DLG2: variants seen among roughly 807,000 people sequenced by gnomAD.
DLG2 encodes disks large homolog 2.
Under a neutral mutation model 132.5 loss-of-function variants are expected in DLG2, and 45 were observed. The observed-to-expected ratio is 0.34, with a 90% CI of 0.27 to 0.44. The LOEUF is 0.44. DLG2 is among the 20% of genes least tolerant of loss of function. The pLI is 1.00. For synonymous variants in DLG2, 424 were observed against 419.6 expected (o/e 1.01, Z -0.13); for missense variants, 1,045 against 1,196.9 (o/e 0.87, Z 1.87).
chr11:84,746,104 T>C (rs993108224), intron 6 of DLG2, among the ~76,000 whole-genome samples: 2 of 151,902 alleles, frequency 1.3e-5, no homozygotes, highest in Non-Finnish European at 2.9e-5. Context: ...GTGTGTGAGA[T>C]AGGCAAAAAG....
intron 15 of DLG2, among the ~76,000 whole-genome samples, chr11:83,878,953 TAAATA>T (rs1387981987): frequency 6.6e-6 from 1 of 152,198 alleles, no homozygotes; most frequent in Admixed American, 6.5e-5. Flanking sequence ...ATGCTGTCAT[TAAATA>T]AAATTGAGGA....
intron 6 of DLG2, among the ~76,000 whole-genome samples, chr11:84,635,251 A>T (rs1430397164): frequency 6.6e-6 from 1 of 152,216 alleles, no homozygotes; most frequent in East Asian, 1.9e-4. Context: ...AGGAAGTCCA[A>T]TGCTGCCTTT....
chr11:84,737,475 AG>A, intron 6 of DLG2, among the ~76,000 whole-genome samples: 1 of 150,600 alleles, frequency 6.6e-6, no homozygotes, highest in Admixed American at 6.7e-5. Context: ...CAAACTATCT[AG>A]GTCAAGAGAG....
chr11:84,365,303 G>A (rs1414787332), intron 7 of DLG2, among the ~76,000 whole-genome samples: 3 of 152,234 alleles, frequency 2.0e-5, no homozygotes, highest in Admixed American at 1.3e-4. Context: ...TTTGCGTAGA[G>A]GTGTTTGTAG....
Position 85,512,466 on chromosome 11 carries a change from C to T in DLG2, c.40+86191G>A, listed in dbSNP as rs2094095353. Among the ~76,000 whole-genome samples, 4 of 152,162 alleles carry T rather than the reference C, an allele frequency of 2.6e-5. No individual in the cohort carries two copies. The South Asian group carries it at 8.3e-4, about 32-fold the overall frequency. On this transcript the variant is annotated intron_variant, in intron 3 of 27. Coordinates refer to ENST00000376104, the MANE Select transcript of DLG2 (RefSeq NM_001142699.3). ...AATTAAGTGCCTTTGGATACTGTGT[C>T]TATAAATATTATATTGTGACCTTTC...
chr11:84,452,580 T>G (rs1368103247), intron 7 of DLG2, among the ~76,000 whole-genome samples: 1 of 151,750 alleles, frequency 6.6e-6, no homozygotes, highest in African/African-American at 2.4e-5. Flanking sequence ...AAAAAGTGGT[T>G]GGGTTCTGGA....
At chr11:85,394,951 A>G (rs2087158674) in intron 3 of DLG2, among the ~76,000 whole-genome samples, 1 of 152,212 alleles carries the variant, frequency 6.6e-6, no homozygotes, top group Non-Finnish European at 1.5e-5. Flanking sequence ...TTGCTGGAAC[A>G]TGTATACTTT....
At chr11:85,437,544 G>T (rs559985322) in intron 3 of DLG2, among the ~76,000 whole-genome samples, 1 of 152,228 alleles carries the variant, frequency 6.6e-6, no homozygotes, top group East Asian at 1.9e-4. Flanking sequence ...TAGTGCTCTT[G>T]TCCTCAGTGA....
At chr11:85,115,344 T>C (rs147658030) in intron 5 of DLG2, among the ~76,000 whole-genome samples, 152 of 152,092 alleles carry the variant, frequency 1.0e-3, no homozygotes, top group African/African-American at 3.4e-3. Context: ...TCCATTCATG[T>C]AGTTGGTCAA....
chr11:84,478,510 A>C (rs1354110691), intron 7 of DLG2, among the ~76,000 whole-genome samples: 1 of 152,076 alleles, frequency 6.6e-6, no homozygotes, highest in Non-Finnish European at 1.5e-5. Flanking sequence ...CAGGTTGTTT[A>C]CATTTTTTCT....
intron 6 of DLG2, among the ~76,000 whole-genome samples, chr11:84,732,040 G>T (rs1222636012): frequency 6.6e-6 from 1 of 151,956 alleles, no homozygotes; most frequent in Non-Finnish European, 1.5e-5. Context: ...CATACAATAT[G>T]TGTTTGGAGT....
At chr11:85,035,762 T>A (rs1164945607) in intron 6 of DLG2, among the ~76,000 whole-genome samples, 1 of 152,154 alleles carries the variant, frequency 6.6e-6, no homozygotes, top group Non-Finnish European at 1.5e-5. Flanking sequence ...ATCACCATCA[T>A]AGAAACTTTG....
chr11:83,520,820 G>T (rs1364863793), intron 21 of DLG2, among the ~76,000 whole-genome samples: 1 of 152,174 alleles, frequency 6.6e-6, no homozygotes, highest in Non-Finnish European at 1.5e-5. Context: ...CTCTTGTGTA[G>T]CTCGCATCTT....
intron 19 of DLG2, among the ~76,000 whole-genome samples, chr11:83,598,946 C>T (rs912364864): frequency 3.9e-5 from 6 of 152,168 alleles, no homozygotes; most frequent in Non-Finnish European, 5.9e-5. Flanking sequence ...GCGGCCTTAC[C>T]TCCAGCTGGC....
intron 7 of DLG2, among the ~76,000 whole-genome samples, chr11:84,357,825 C>A (rs918347369): frequency 6.6e-6 from 1 of 151,608 alleles, no homozygotes; most frequent in African/African-American, 2.4e-5. Context: ...ATTTTTAAAT[C>A]TTTTTTTAAT....
At chr11:84,668,991 G>A (rs7129994) in intron 6 of DLG2, among the ~76,000 whole-genome samples, 52,755 of 151,902 alleles carry the variant, frequency 0.35, 10,146 homozygotes, top group African/African-American at 0.52. Flanking sequence ...TCTAACAGGT[G>A]TATCTTCAAA....
intron 6 of DLG2, among the ~76,000 whole-genome samples, chr11:84,783,609 C>T (rs936618610): frequency 6.6e-6 from 1 of 152,134 alleles, no homozygotes; most frequent in African/African-American, 2.4e-5. Flanking sequence ...TGATATAACA[C>T]TATAGCTTTA....
intron 6 of DLG2, among the ~76,000 whole-genome samples, chr11:84,599,593 C>A (rs2099571043): frequency 6.6e-6 from 1 of 152,118 alleles, no homozygotes; most frequent in African/African-American, 2.4e-5. Flanking sequence ...AAATAGGATG[C>A]CTATTTTACA....
intron 19 of DLG2, among the ~76,000 whole-genome samples, chr11:83,579,082 A>G (rs2096927850): frequency 6.6e-6 from 1 of 152,208 alleles, no homozygotes; most frequent in South Asian, 2.1e-4. Flanking sequence ...GCTCCCTGGT[A>G]GGGAAGAGGC....
Sources: gnomAD v4.1 joint callset for allele counts (sites outside exome capture counted in the v4.1 genomes callset) on GRCh38, gnomAD v4.1.1 for gene constraint, MANE v1.5 for transcripts, NCBI Gene and HGNC (gene_info 2026-07-23, HGNC 2026-07-21) for gene names.